Variants in SNX7 observed in about 807,000 individuals in gnomAD.
SNX7 encodes the protein sorting nexin 7.
A neutral mutation model predicts 48.4 loss-of-function variants in SNX7; 35 were observed. The observed-to-expected ratio is 0.72, with a 90% confidence interval of 0.55 to 0.96. The LOEUF is 0.96. SNX7 is among the 40% of genes least tolerant of loss of function. The probability of loss-of-function intolerance (pLI) is 0.00; values close to 1 mark genes in which losing one functional copy is unlikely to be tolerated. For synonymous variants in SNX7, 190 were observed against 190.2 expected (o/e 1.00, Z 0.01); for missense variants, 553 against 548.9 (o/e 1.01, Z -0.07).
chr1:98,677,784 A>G (rs1650249302), intron 1 of SNX7, among the ~76,000 whole-genome samples: 1 of 151,732 alleles, frequency 6.6e-6, no homozygotes, highest in Non-Finnish European at 1.5e-5. Context: ...AGTCTGACGC[A>G]GGAGAATTGC....
chr1:98,698,566 A>T, intron 5 of SNX7, 140 bp from the exon 6 acceptor site: 1 of 741,022 alleles, frequency 1.3e-6, no homozygotes, highest in South Asian at 2.0e-5. Flanking sequence ...TTAATGAAGG[A>T]TGATATCCGT....
chr1:98,717,474 C>G (rs193231359), intron 7 of SNX7, among the ~76,000 whole-genome samples: 5 of 152,268 alleles, frequency 3.3e-5, no homozygotes, highest in Non-Finnish European at 7.4e-5. Context: ...CAAGACGATA[C>G]TTGTACATAG....
chr1:98,718,261 T>C (rs1652691930), intron 7 of SNX7, among the ~76,000 whole-genome samples: 1 of 152,104 alleles, frequency 6.6e-6, no homozygotes, highest in Non-Finnish European at 1.5e-5. Context: ...TTAGTATATA[T>C]TAAATAATAC....
chr1:98,701,762 G>T lies in SNX7; in HGVS notation c.1039-55G>T, dbSNP rs1265413660. ...TCTGAAATATATATTTTTGCTATAG[G>T]AAAGATTATTAAAACTAAGTACAGC... is the stretch of plus-strand genomic sequence containing the variant. On this transcript the variant is annotated intron_variant, in intron 6 of 8. Coordinates refer to ENST00000306121, the MANE Select transcript of SNX7 (RefSeq NM_015976.5). The T allele has an allele frequency of 3.3e-6, 4 of 1,215,874 alleles. No individual in the cohort carries two copies. The African/African-American group carries it at 6.2e-5, about 19-fold the overall frequency. 75.3% of individuals were successfully genotyped at this position (1,215,874 alleles called of 1,614,324 possible). A position where few individuals can be genotyped will look rare whatever the true frequency, so the allele number is the denominator to read the frequency against.
intron 5 of SNX7, among the ~76,000 whole-genome samples, 190 bp from the exon 6 acceptor site, chr1:98,698,516 T>C (rs145267811): frequency 6.6e-6 from 1 of 152,248 alleles, no homozygotes; most frequent in East Asian, 1.9e-4. Flanking sequence ...CAGTAGTCAT[T>C]CAAAGACTGA....
chr1:98,753,510 A>AAG (rs1654688410), intron 8 of SNX7, among the ~76,000 whole-genome samples: 1 of 152,092 alleles, frequency 6.6e-6, no homozygotes, highest in Non-Finnish European at 1.5e-5. Context: ...TGAATCACTT[A>AAG]TTTGACAGGA....
chr1:98,743,211 G>A (rs1654158920), intron 8 of SNX7, among the ~76,000 whole-genome samples: 1 of 151,942 alleles, frequency 6.6e-6, no homozygotes, highest in Non-Finnish European at 1.5e-5. Context: ...AATAAACACA[G>A]GGGTGGCGTG....
chr1:98,713,124 T>G lies in SNX7; in HGVS notation c.1125+11221T>G, dbSNP rs115169934. 3.5e-3 allele frequency among the ~76,000 whole-genome samples: 523 copies of G among 150,884 alleles called. 2 individuals carry two copies. The highest frequency in any genetic ancestry group is 5.3e-3 in the Non-Finnish European group (356 of 67,572). On this transcript the variant is annotated intron_variant, in intron 7 of 8. Coordinates refer to ENST00000306121, the MANE Select transcript of SNX7 (RefSeq NM_015976.5). ...AAAAAAAAAAAAAACTTGTCTACAT[T>G]GAAAATCTGTTGTTTGTAGTGTAGC...
chr1:98,732,389 G>A lies in SNX7; in HGVS notation c.1126-5848G>A, dbSNP rs371952888. On this transcript the variant is annotated intron_variant, in intron 7 of 8. Transcript: ENST00000306121. ...GTGGGCTGGAGGGGAAATAGGGAGGGTACTGTTATCCACTTGTTGCAAGAG... is the reference window on the plus strand; with the variant it reads ...GTGGGCTGGAGGGGAAATAGGGAGGATACTGTTATCCACTTGTTGCAAGAG... Among the ~76,000 whole-genome samples, 64 of 152,190 alleles carry A rather than the reference G, an allele frequency of 4.2e-4. No homozygotes were observed. The Middle Eastern group carries it at 0.01, about 24-fold the overall frequency.
At chr1:98,689,912 T>G (rs888955618) in intron 2 of SNX7, among the ~76,000 whole-genome samples, 1 of 152,202 alleles carries the variant, frequency 6.6e-6, no homozygotes, top group East Asian at 1.9e-4. Context: ...ACATTTAGTT[T>G]CTTAGATTTC....
At chr1:98,664,663 A>G (rs1181097298) in intron 1 of SNX7, among the ~76,000 whole-genome samples, 2 of 152,242 alleles carry the variant, frequency 1.3e-5, no homozygotes, top group African/African-American at 4.8e-5. Context: ...TCACAATCTT[A>G]TACTCCAGGT....
intron 4 of SNX7, among the ~76,000 whole-genome samples, chr1:98,692,379 G>A (rs1358699522): frequency 6.6e-6 from 1 of 152,084 alleles, no homozygotes; most frequent in Admixed American, 6.6e-5. Flanking sequence ...CTGAAATGGA[G>A]GGCAATGACA....
At chr1:98,736,218 C>A (rs943837143) in intron 7 of SNX7, among the ~76,000 whole-genome samples, 1 of 152,168 alleles carries the variant, frequency 6.6e-6, no homozygotes, top group African/African-American at 2.4e-5. Context: ...TATGCCATTG[C>A]ATGGCAATTT....
chr1:98,694,135 C>T (rs1651300111), intron 4 of SNX7, among the ~76,000 whole-genome samples: 1 of 152,064 alleles, frequency 6.6e-6, no homozygotes, highest in Non-Finnish European at 1.5e-5. Context: ...CTTTGGGAGG[C>T]CGAGGCGGGC....
chr1:98,711,945 G>A (rs2100991609), intron 7 of SNX7, among the ~76,000 whole-genome samples: 1 of 152,254 alleles, frequency 6.6e-6, no homozygotes, highest in East Asian at 1.9e-4. Context: ...AATACTCACA[G>A]CATCTTCACC....
intron 8 of SNX7, among the ~76,000 whole-genome samples, chr1:98,743,782 T>C (rs1654188075): frequency 6.6e-6 from 1 of 152,090 alleles, no homozygotes; most frequent in African/African-American, 2.4e-5. Context: ...GGTTGTTTGT[T>C]TTAAACTTAA....
chr1:98,747,076 T>C (rs2101047668), intron 8 of SNX7, among the ~76,000 whole-genome samples: 1 of 152,272 alleles, frequency 6.6e-6, no homozygotes, highest in South Asian at 2.1e-4. Context: ...CCTGTTGTAT[T>C]AGAAGACACT....
chr1:98,693,392 G>GT lies in SNX7; in HGVS notation c.639+1697dup, dbSNP rs1440354263. Among the ~76,000 whole-genome samples, 3 of 152,326 alleles carry GT rather than the reference G, an allele frequency of 2.0e-5. No individual in the cohort carries two copies. The East Asian group carries it at 5.8e-4, about 29-fold the overall frequency. On this transcript the variant is annotated intron_variant, in intron 4 of 8. Transcript: ENST00000306121. Reference sequence around the variant, plus strand: ...TTAAACAGTTACTGGCAAATGTTGAGTTTTATATCTCTCAGTTGTTGCCAG... The same window carrying GT: ...TTAAACAGTTACTGGCAAATGTTGAGTTTTTATATCTCTCAGTTGTTGCCAG...
intron 1 of SNX7, among the ~76,000 whole-genome samples, chr1:98,676,563 A>G (rs868004962): frequency 1.2e-4 from 19 of 152,332 alleles, no homozygotes; most frequent in African/African-American, 4.3e-4. Context: ...AGGATGACCT[A>G]AATGTTGCAT....
Sources: gnomAD v4.1 joint callset for allele counts (sites outside exome capture counted in the v4.1 genomes callset) on GRCh38, gnomAD v4.1.1 for gene constraint, MANE v1.5 for transcripts, NCBI Gene and HGNC (gene_info 2026-07-23, HGNC 2026-07-21) for gene names.